The following KCNQ1 variants were observed in gnomAD, a reference collection of about 807,000 sequenced individuals.
KCNQ1 encodes potassium voltage-gated channel subfamily Q member 1.
Under a neutral mutation model 72.4 loss-of-function variants are expected in KCNQ1, and 49 were observed. That is an observed-to-expected ratio of 0.68 (90% CI 0.54 to 0.86). The LOEUF is 0.86. Ranked by LOEUF, KCNQ1 falls within the 40% of genes least tolerant of loss-of-function variation. The pLI, the probability that KCNQ1 is intolerant of heterozygous loss-of-function variation, is 0.00. For synonymous variants in KCNQ1, 450 were observed against 412.6 expected, an observed-to-expected ratio of 1.09 and a Z score of -1.10; for missense variants, 790 against 945.1, an observed-to-expected ratio of 0.84 and a Z score of 2.15.
rs546680581 is a variant in KCNQ1, at chr11:2,752,060, G to A, written c.1515-16784G>A. The stretch of plus-strand genomic sequence containing the variant: ...TGTCCTCCCCACGCCCTGAGGGGCC[G>A]TCCTAGGCAGCACTCACCCTGGTCA... On this transcript the variant is annotated intron_variant, in intron 11 of 15. Transcript: ENST00000155840. The surrounding 1 kb of genome is among the most constrained non-coding windows in gnomAD (Gnocchi z 5.2). Among the ~76,000 whole-genome samples, 43 of 152,350 alleles carry A rather than the reference G, an allele frequency of 2.8e-4. No individual in the cohort carries two copies. The highest frequency in any genetic ancestry group is 7.0e-4 in the African/African-American group (29 of 41,576).
At chr11:2,505,555 A>G (rs780328847) in intron 1 of KCNQ1, among the ~76,000 whole-genome samples, 2 of 152,182 alleles carry the variant, frequency 1.3e-5, no homozygotes, top group African/African-American at 2.4e-5. Flanking sequence ...TTCATTATAG[A>G]GAATGTGGTA....
In KCNQ1 at chr11:2,824,416, G is replaced by A. The variant is rs1307678806; in HGVS notation, c.1795-23351G>A. On this transcript the variant is annotated intron_variant, in intron 15 of 15. Transcript: ENST00000155840. This position sits in a 1 kb window ranked among gnomAD's most constrained non-coding sequence, Gnocchi z 5.9. Reference sequence around the variant, plus strand: ...GGAAAGACCCCCAGGTTCTGGCTTGGCCATATGTTGGAGGCTGAAACGATT... The same window carrying A: ...GGAAAGACCCCCAGGTTCTGGCTTGACCATATGTTGGAGGCTGAAACGATT... Among the ~76,000 whole-genome samples, 2 of 152,172 alleles carry A rather than the reference G, an allele frequency of 1.3e-5. No homozygotes were observed. Among genetic ancestry groups the A allele is most frequent in the Non-Finnish European group, 2.9e-5 (2 of 68,042 alleles).
chr11:2,812,364 G>T (rs116535275), intron 15 of KCNQ1, among the ~76,000 whole-genome samples: 1 of 151,332 alleles, frequency 6.6e-6, no homozygotes, highest in Non-Finnish European at 1.5e-5. Context: ...GACCTGGGAC[G>T]CCGAGGAGGG....
At chr11:2,465,995 C>T (rs1846346209) in intron 1 of KCNQ1, among the ~76,000 whole-genome samples, 1 of 152,238 alleles carries the variant, frequency 6.6e-6, no homozygotes, top group Non-Finnish European at 1.5e-5. Flanking sequence ...CAGGTCGACT[C>T]CCAGGGGCCC....
chr11:2,510,631 T>TG (rs1847184124), intron 1 of KCNQ1, among the ~76,000 whole-genome samples: 1 of 152,200 alleles, frequency 6.6e-6, no homozygotes. Context: ...GCTAACATGT[T>TG]GGGCTTTCTC....
At position 2,723,337 on chromosome 11, in the gene KCNQ1, CCTCAAGA is replaced by C. The variant is rs1364487713; in HGVS notation, c.1515-45503_1515-45497del. On this transcript the variant is annotated intron_variant, in intron 11 of 15. Coordinates refer to ENST00000155840, the MANE Select transcript of KCNQ1 (RefSeq NM_000218.3). This position sits in a 1 kb window ranked among gnomAD's most constrained non-coding sequence, Gnocchi z 4.2. ...GCAGCCTCCCCCGGGACACTGCAACCCTCAAGACTCCTAGCAAGCCCCTCCGTCTCAG... is the reference window on the plus strand; with the variant it reads ...GCAGCCTCCCCCGGGACACTGCAACCCTCCTAGCAAGCCCCTCCGTCTCAG... Among the ~76,000 whole-genome samples, 7 of 152,204 alleles carry C rather than the reference CCTCAAGA, an allele frequency of 4.6e-5. No individual in the cohort carries two copies. The highest frequency in any genetic ancestry group is 7.4e-5 in the Non-Finnish European group (5 of 68,016).
chr11:2,589,579 G>A (rs1328603131), intron 10 of KCNQ1, among the ~76,000 whole-genome samples: 2 of 152,106 alleles, frequency 1.3e-5, no homozygotes, highest in African/African-American at 2.4e-5. Context: ...GCCACACGGC[G>A]GGAATACAGC....
chr11:2,508,516 A>G lies in KCNQ1; in HGVS notation c.387-19412A>G, dbSNP rs1025393863. Among the ~76,000 whole-genome samples, 1 of 151,938 alleles carries G rather than the reference A, an allele frequency of 6.6e-6. No homozygotes were observed. Among genetic ancestry groups the G allele is most frequent in the Non-Finnish European group, 1.5e-5 (1 of 67,978 alleles). ...TCTGTCATGCAGAGAGGGTGATGAT[A>G]TAACCAGCTGGGTGTTCGCACCTGA... is the stretch of plus-strand genomic sequence containing the variant. On this transcript the variant is annotated intron_variant, in intron 1 of 15. Transcript: ENST00000155840. This position sits in a 1 kb window ranked among gnomAD's most constrained non-coding sequence, Gnocchi z 6.2.
At chr11:2,836,511 C>A (rs2134076105) in intron 15 of KCNQ1, among the ~76,000 whole-genome samples, 1 of 152,334 alleles carries the variant, frequency 6.6e-6, no homozygotes, top group Non-Finnish European at 1.5e-5. Context: ...GGACCCCTCC[C>A]CCCGAACACC....
rs192427542 is a variant in KCNQ1 at position 2,663,897 on chromosome 11, G to A, written c.1514+1816G>A. Reference sequence around the variant, plus strand: ...CCCAAGGGTGACCCCAAGCCAGTGTGGCTGTGTCATCTAGGACACTGGGCT... The same window carrying A: ...CCCAAGGGTGACCCCAAGCCAGTGTAGCTGTGTCATCTAGGACACTGGGCT... On this transcript the variant is annotated intron_variant, in intron 11 of 15. Coordinates refer to ENST00000155840, the MANE Select transcript of KCNQ1 (RefSeq NM_000218.3). The surrounding 1 kb of genome is among the most constrained non-coding windows in gnomAD (Gnocchi z 5.2). 392 of 398,702 alleles carry A rather than the reference G, an allele frequency of 9.8e-4. 2 individuals carry two copies. The highest frequency in any genetic ancestry group is 7.6e-3 in the African/African-American group (369 of 48,768). 24.7% of individuals were successfully genotyped at this position (398,702 alleles called of 1,614,324 possible).
Position 2,752,968 on chromosome 11 carries a change from C to T in KCNQ1, c.1515-15876C>T, listed in dbSNP as rs1260449541. ...GCTGGTCTGGGCTTGAGGACCAGCACGGGATCGTTCTCCTCTGTGGGTCGC... is the reference window on the plus strand; with the variant it reads ...GCTGGTCTGGGCTTGAGGACCAGCATGGGATCGTTCTCCTCTGTGGGTCGC... On this transcript the variant is annotated intron_variant, in intron 11 of 15. Transcript: ENST00000155840. The surrounding 1 kb of genome is among the most constrained non-coding windows in gnomAD (Gnocchi z 5.2). Among the ~76,000 whole-genome samples the T allele has an allele frequency of 2.0e-5, 3 of 152,150 alleles. No individual in the cohort carries two copies. The highest frequency in any genetic ancestry group is 2.1e-4 in the South Asian group (1 of 4,828).
At chr11:2,672,653 A>G (rs2133870092) in intron 11 of KCNQ1, 1 of 398,732 alleles carries the variant, frequency 2.5e-6, no homozygotes, top group East Asian at 3.6e-5. Context: ...CACTGAGACC[A>G]GATATGATAG....
intron 9 of KCNQ1, 129 bp downstream of exon 9, chr11:2,587,821 A>G (rs1051810614): frequency 7.6e-7 from 1 of 1,314,522 alleles, no homozygotes; most frequent in Non-Finnish European, 1.1e-6. Context: ...GGGAGTCAGC[A>G]TCGTTCGGGA....
chr11:2,848,939 T>C lies in KCNQ1; in HGVS notation c.*936T>C, dbSNP rs1347328728. The C allele has an allele frequency of 2.2e-6, 1 of 454,016 alleles. No homozygotes were observed. Among genetic ancestry groups the C allele is most frequent in the African/African-American group, 2.0e-5 (1 of 50,014 alleles). The allele number at this position is 454,016 out of a possible 1,614,324, so 28.1% of individuals were successfully genotyped here. Reference sequence around the variant, plus strand: ...CTGTGTTTTAATGAGTTTCACAGTGTGATTTTGATTATTAATTGTGCAAGC... The same window carrying C: ...CTGTGTTTTAATGAGTTTCACAGTGCGATTTTGATTATTAATTGTGCAAGC... On this transcript the variant is annotated 3_prime_UTR_variant, in exon 16 of 16. Transcript: ENST00000155840.
chr11:2,512,521 T>C (rs1330622478), intron 1 of KCNQ1, among the ~76,000 whole-genome samples: 1 of 152,176 alleles, frequency 6.6e-6, no homozygotes, highest in African/African-American at 2.4e-5. Flanking sequence ...TCAAGACAAG[T>C]GTGGCCATGA....
intron 10 of KCNQ1, chr11:2,640,209 C>G (rs1849551393): frequency 2.5e-6 from 1 of 393,452 alleles, no homozygotes; most frequent in African/African-American, 2.1e-5. Flanking sequence ...GCTGCACCCA[C>G]TGTCCTGTAC....
At chr11:2,576,185 T>C (rs972526207) in intron 6 of KCNQ1, among the ~76,000 whole-genome samples, 4 of 152,170 alleles carry the variant, frequency 2.6e-5, no homozygotes, top group Non-Finnish European at 5.9e-5. Context: ...GGACAGTGGG[T>C]GGCCCAGGTG....
In KCNQ1 at chr11:2,627,483, C is replaced by T. The variant is rs1408564594; in HGVS notation, c.1394-34478C>T. On this transcript the variant is annotated intron_variant, in intron 10 of 15. Transcript: ENST00000155840. The surrounding 1 kb of genome is among the most constrained non-coding windows in gnomAD (Gnocchi z 4.9). Reference sequence around the variant, plus strand: ...CCTACTCCCTGACCCCTAGTAACCACCCTTCTACTCTCCGTTTCTCTGAGT... The same window carrying T: ...CCTACTCCCTGACCCCTAGTAACCATCCTTCTACTCTCCGTTTCTCTGAGT... The T allele has an allele frequency of 5.0e-6, 2 of 398,418 alleles. No individual in the cohort carries two copies. Among genetic ancestry groups the T allele is most frequent in the African/African-American group, 2.1e-5 (1 of 48,604 alleles). The allele number at this position is 398,418 out of a possible 1,614,324, so 24.7% of individuals were successfully genotyped here. A position where few individuals can be genotyped will look rare whatever the true frequency, so the allele number is the denominator to read the frequency against.
At chr11:2,675,861 G>A in intron 11 of KCNQ1, 1 of 398,720 alleles carries the variant, frequency 2.5e-6, no homozygotes, top group Non-Finnish European at 4.4e-6. Context: ...GCCAACACCT[G>A]CCTTCTGGGG....
Sources: gnomAD v4.1 joint callset for allele counts (sites outside exome capture counted in the v4.1 genomes callset) on GRCh38, gnomAD v4.1.1 for gene constraint, Gnocchi (gnomAD v3.1) non-coding constraint, MANE v1.5 for transcripts, NCBI Gene and HGNC (gene_info 2026-07-23, HGNC 2026-07-21) for gene names.